Variants in PLEKHA1 observed in about 807,000 individuals in gnomAD.
The protein encoded by PLEKHA1 is pleckstrin homology domain-containing family A member 1.
PLEKHA1 carries 34 observed loss-of-function variants against 52.0 expected under a neutral mutation model. That is an observed-to-expected ratio of 0.65 (90% CI 0.50 to 0.87). PLEKHA1 has a LOEUF of 0.87. Ranked by LOEUF, PLEKHA1 falls within the 40% of genes least tolerant of loss-of-function variation. PLEKHA1 has a pLI of 0.00. For synonymous variants in PLEKHA1, 163 were observed against 170.7 expected, an observed-to-expected ratio of 0.95 and a Z score of 0.35; for missense variants, 497 against 504.2, an observed-to-expected ratio of 0.99 and a Z score of 0.14.
Position 122,429,858 on chromosome 10 carries a change from C to T in PLEKHA1, c.1135C>T (p.Gln379Ter). Residue 379 changes from glutamine to a stop codon, truncating the protein, a stop_gained, in exon 12 of 12, where the codon CAA becomes TAA. Coordinates refer to ENST00000368990, the MANE Select transcript of PLEKHA1 (RefSeq NM_001001974.4). LOFTEE classifies it high-confidence loss of function. ...GACTGAACAAGCTCTGTTAAGACCTCAAAGTAAAAATGGCCCTCAGGAAAA... is the reference window on the plus strand; with the variant it reads ...GACTGAACAAGCTCTGTTAAGACCTTAAAGTAAAAATGGCCCTCAGGAAAA... ...KVTEQALLRP[Q>*]SKNGPQEKDC... 3.7e-6 allele frequency: 6 copies of T among 1,614,150 alleles called. No homozygotes were observed. Among genetic ancestry groups the T allele is most frequent in the Non-Finnish European group, 5.1e-6 (6 of 1,180,032 alleles).
chr10:122,397,956 G>A lies in PLEKHA1; in HGVS notation c.180G>A (p.Lys60=). The A allele has an allele frequency of 6.2e-7, 1 of 1,609,090 alleles. No homozygotes were observed. Among genetic ancestry groups the A allele is most frequent in the South Asian group, 1.1e-5 (1 of 90,580 alleles). ...GATCATCACGTGTTGGAGCCATTAA[G>A]CTTACCTACATTTCAAAGGTAGTCT... ...PSGSSRVGAI[K]LTYISKVSDA... The change falls in exon 3 of 12, where the codon AAG becomes AAA. Residue 60 remains lysine (K), a synonymous_variant. Transcript: ENST00000368990.
chr10:122,403,315 G>GT (rs2096957510), intron 4 of PLEKHA1, among the ~76,000 whole-genome samples: 1 of 152,146 alleles, frequency 6.6e-6, no homozygotes, highest in Non-Finnish European at 1.5e-5. Context: ...AAAACAGAGT[G>GT]GGGAAAATTG....
intron 1 of PLEKHA1, among the ~76,000 whole-genome samples, chr10:122,386,025 C>A (rs778483221): frequency 1.3e-5 from 2 of 152,146 alleles, no homozygotes; most frequent in Non-Finnish European, 2.9e-5. Context: ...CCGGGTTGTT[C>A]GCTAAGGATC....
At chr10:122,379,703 C>G (rs868499974) in intron 1 of PLEKHA1, among the ~76,000 whole-genome samples, 2 of 152,164 alleles carry the variant, frequency 1.3e-5, no homozygotes, top group South Asian at 2.1e-4. Flanking sequence ...TCCTCTATGT[C>G]TATATATCCT....
intron 5 of PLEKHA1, among the ~76,000 whole-genome samples, chr10:122,409,100 G>T (rs2097067481): frequency 6.6e-6 from 1 of 152,018 alleles, no homozygotes; most frequent in Non-Finnish European, 1.5e-5. Flanking sequence ...ATCCTCTAAC[G>T]CTATAGTCTG....
At chr10:122,428,498 C>A in intron 11 of PLEKHA1, 1 of 1,212,644 alleles carries the variant, frequency 8.2e-7, no homozygotes, top group South Asian at 3.5e-5. Flanking sequence ...TCACTGTAGT[C>A]ATCAGGTTGG....
intron 4 of PLEKHA1, among the ~76,000 whole-genome samples, chr10:122,403,778 ACCTC>A (rs2096964930): frequency 6.6e-6 from 1 of 150,936 alleles, no homozygotes; most frequent in South Asian, 2.1e-4. Flanking sequence ...TGCAACCTCC[ACCTC>A]CTGGGTTCAA....
At position 122,430,180 on chromosome 10, in the gene PLEKHA1, T is replaced by TG. The variant is rs2133750867; in HGVS notation, c.*243dup. The TG allele has an allele frequency of 2.5e-6, 1 of 407,982 alleles. No individual in the cohort carries two copies. The highest frequency in any genetic ancestry group is 6.2e-5 in the South Asian group (1 of 16,244). The allele number at this position is 407,982 out of a possible 1,614,324, so 25.3% of individuals were successfully genotyped here. Reference sequence around the variant, plus strand: ...TCTCAGTATCATCTGTCTGAAGCATTGTGTGTTCTCATTCGGGTGGTAACA... The same window carrying TG: ...TCTCAGTATCATCTGTCTGAAGCATTGGTGTGTTCTCATTCGGGTGGTAACA... On this transcript the variant is annotated 3_prime_UTR_variant, in exon 12 of 12. Transcript: ENST00000368990.
chr10:122,375,737 TG>T (rs1229440693), intron 1 of PLEKHA1, among the ~76,000 whole-genome samples: 7 of 152,208 alleles, frequency 4.6e-5, no homozygotes, highest in Non-Finnish European at 7.3e-5. Context: ...CTTTGCTCTC[TG>T]GGGGCAGTAC....
intron 1 of PLEKHA1, among the ~76,000 whole-genome samples, chr10:122,390,462 A>G (rs2096760693): frequency 6.6e-6 from 1 of 152,136 alleles, no homozygotes; most frequent in Admixed American, 6.5e-5. Flanking sequence ...CTAAGCTTAG[A>G]CATTTCTGGC....
At position 122,393,222 on chromosome 10, in the gene PLEKHA1, A is replaced by G. The variant is rs748712489; in HGVS notation, c.22A>G (p.Asn8Asp). The change falls in exon 2 of 12, where the codon AAT (asparagine) becomes GAT (aspartate). Residue 8 changes from asparagine (N) to aspartate (D), a missense_variant. Asn to Asp is a conservative substitution (Grantham distance 23). Coordinates refer to ENST00000368990, the MANE Select transcript of PLEKHA1 (RefSeq NM_001001974.4). The surrounding 1 kb of genome is among the most constrained non-coding windows in gnomAD (Gnocchi z 4.5). MPYVDRQ[N>D]RICGFLDIEE... ...AGAAATGCCTTATGTGGATCGTCAG[A>G]ATCGCATTTGTGGTTTTCTAGACAT... The G allele has an allele frequency of 2.5e-6, 4 of 1,611,888 alleles. No homozygotes were observed. Among genetic ancestry groups the G allele is most frequent in the Non-Finnish European group, 3.4e-6 (4 of 1,179,114 alleles).
chr10:122,424,368 A>T, intron 9 of PLEKHA1, 105 bp downstream of exon 9: 1 of 1,288,928 alleles, frequency 7.8e-7, no homozygotes, highest in Admixed American at 2.8e-5. Context: ...TATTAATTGT[A>T]GTTATTTTTA....
At chr10:122,440,450 G>C in the PLEKHA1 span, 2 of 152,126 alleles carry the variant, frequency 1.3e-5, no homozygotes, top group African/African-American at 4.8e-5. Context: ...TCTTCTGCCT[G>C]GAACGCCACT....
intron 1 of PLEKHA1, among the ~76,000 whole-genome samples, chr10:122,384,374 C>T (rs1426382375): frequency 7.9e-5 from 12 of 151,952 alleles, no homozygotes; most frequent in Non-Finnish European, 1.5e-4. Flanking sequence ...TTTGGGAGGC[C>T]GAGATGGGCG....
At chr10:122,427,700 TTCA>T (rs1326680740) in intron 11 of PLEKHA1, among the ~76,000 whole-genome samples, 2 of 152,214 alleles carry the variant, frequency 1.3e-5, no homozygotes, top group East Asian at 3.8e-4. Context: ...TTTTCTTGTG[TTCA>T]AGTACATAAG....
intron 1 of PLEKHA1, among the ~76,000 whole-genome samples, chr10:122,380,450 G>A (rs2096598651): frequency 6.6e-6 from 1 of 152,150 alleles, no homozygotes; most frequent in South Asian, 2.1e-4. Context: ...GTAGCAAAAC[G>A]GTTTGGAGGA....
chr10:122,406,111 T>C (rs2097010188), intron 4 of PLEKHA1, among the ~76,000 whole-genome samples: 1 of 152,106 alleles, frequency 6.6e-6, no homozygotes, highest in South Asian at 2.1e-4. Flanking sequence ...TGAAATAAAA[T>C]GTGTATGTGG....
chr10:122,405,909 C>T (rs1256566711), intron 4 of PLEKHA1, among the ~76,000 whole-genome samples: 1 of 152,124 alleles, frequency 6.6e-6, no homozygotes. Flanking sequence ...CAAGGAGAGT[C>T]TCCTCTTTCC....
chr10:122,421,118 A>G (rs1485155412), intron 8 of PLEKHA1: 1 of 145,736 alleles, frequency 6.9e-6, no homozygotes, highest in Non-Finnish European at 1.5e-5. Flanking sequence ...ATAACATTAC[A>G]GTGAGGAAAC....
Sources: gnomAD v4.1 joint callset for allele counts (sites outside exome capture counted in the v4.1 genomes callset) on GRCh38, gnomAD v4.1.1 for gene constraint, Gnocchi (gnomAD v3.1) non-coding constraint, MANE v1.5 for transcripts, NCBI Gene and HGNC (gene_info 2026-07-23, HGNC 2026-07-21) for gene names.